SYVN1: variants seen among roughly 807,000 people sequenced by gnomAD.
SYVN1 encodes synoviolin 1.
In SYVN1, 17 loss-of-function variants were observed where a neutral mutation model predicts 62.6. That is an observed-to-expected ratio of 0.27 (90% confidence interval 0.19 to 0.41). The LOEUF (loss-of-function observed/expected upper bound fraction) is 0.41. Among genes scored for constraint, SYVN1 ranks in the 10% least tolerant of loss-of-function variants. The pLI is 1.00. For synonymous variants in SYVN1, 316 were observed against 304.0 expected (o/e 1.04, Z -0.41); for missense variants, 634 against 818.0 (o/e 0.78, Z 2.74).
chr11:65,132,633 A>G (rs114340641), intron 5 of SYVN1, 99 bp downstream of exon 5: 1 of 1,368,756 alleles, frequency 7.3e-7, no homozygotes, highest in Non-Finnish European at 1.0e-6. Flanking sequence ...TTCCTAAATT[A>G]TCTTTCCTGT....
rs1480887737 is a variant in SYVN1, at chr11:65,130,069, C to T, written c.1341G>A (p.Glu447=). 1 of 1,608,560 alleles carries T rather than the reference C, an allele frequency of 6.2e-7. No homozygotes were observed. Among genetic ancestry groups the T allele is most frequent in the East Asian group, 2.2e-5 (1 of 44,668 alleles). The change falls in exon 13 of 16, where the codon GAG becomes GAA. Residue 447 remains glutamate, a synonymous_variant. Transcript: ENST00000377190. ...ASGPGSGSAP[E]AGPAPGFPFP... ...AGGGGAAACCAGGGGCAGGGCCAGCCTCTGGGGCAGAGCCAGAGCCTGGGC... is the reference window on the plus strand; with the variant it reads ...AGGGGAAACCAGGGGCAGGGCCAGCTTCTGGGGCAGAGCCAGAGCCTGGGC...
At position 65,128,684 on chromosome 11, in the gene SYVN1, G is replaced by C; in HGVS notation, c.1626C>G (p.Ser542=). 1 of 1,613,306 alleles carries C rather than the reference G, an allele frequency of 6.2e-7. No homozygotes were observed. Among genetic ancestry groups the C allele is most frequent in the African/African-American group, 1.3e-5 (1 of 75,044 alleles). The part of the protein sequence containing the change: ...GPPRPATSVN[S]TEETATTVVA... ...CAACTGTAGTGGCAGTCTCCTCAGT[G>C]GAGTTGACTGAAGTGGCAGGCCGGG... Residue 542 remains serine, a synonymous_variant, in exon 15 of 16, where the codon TCC becomes TCG. Transcript: ENST00000377190.
intron 6 of SYVN1, 111 bp from the exon 7 acceptor site, chr11:65,131,707 C>T (rs1451499070): frequency 1.5e-6 from 2 of 1,338,016 alleles, no homozygotes; most frequent in African/African-American, 1.4e-5. Context: ...ATCACAGGCT[C>T]TAGACACACC....
intron 14 of SYVN1, 85 bp from the exon 15 acceptor site, chr11:65,128,799 A>G: frequency 7.2e-7 from 1 of 1,396,394 alleles, no homozygotes; most frequent in South Asian, 1.4e-5. Flanking sequence ...GCCTTGCAGA[A>G]CAGAGTATAG....
At chr11:65,131,932 T>C (rs190485628) in intron 6 of SYVN1, among the ~76,000 whole-genome samples, 88 of 152,316 alleles carry the variant, frequency 5.8e-4, no homozygotes, top group African/African-American at 1.9e-3. Context: ...ATTCTCTCTC[T>C]GCCAGGGACA....
intron 11 of SYVN1, 93 bp downstream of exon 11, chr11:65,130,567 G>A (rs1948164369): frequency 2.8e-6 from 4 of 1,454,114 alleles, no homozygotes; most frequent in Non-Finnish European, 3.6e-6. Flanking sequence ...GATTCTGGAG[G>A]GCAGGGACTC....
At chr11:65,129,568 G>C in intron 14 of SYVN1, 161 bp downstream of exon 14, 1 of 609,536 alleles carries the variant, frequency 1.6e-6, no homozygotes. Context: ...GGGAAATAAA[G>C]GCACCAGGAG....
intron 12 of SYVN1, 21 bp from the exon 13 acceptor site, chr11:65,130,196 C>G (rs778667123): frequency 5.0e-6 from 8 of 1,607,414 alleles, no homozygotes; most frequent in Middle Eastern, 3.3e-4. Context: ...GGAACGAAGT[C>G]AGTGAGTGTT....
chr11:65,132,271 C>T lies in SYVN1; in HGVS notation c.508G>A (p.Val170Met). The T allele has an allele frequency of 1.9e-6, 3 of 1,614,100 alleles. No individual in the cohort carries two copies. Among genetic ancestry groups the T allele is most frequent in the Non-Finnish European group, 1.7e-6 (2 of 1,179,954 alleles). Residue 170 changes from valine (V) to methionine (M), a missense_variant, in exon 6 of 16, where the codon GTG becomes ATG. By Grantham distance (21) the Val-to-Met change is conservative. Coordinates refer to ENST00000377190, the MANE Select transcript of SYVN1 (RefSeq NM_172230.3). ...ACCTCAAAGCCAAACACCAGCTGCA[C>T]AGAGGCCCCACGGGTCAGGATGCTG... The part of the protein sequence containing the change: ...YHSILTRGAS[V>M]QLVFGFEYAI...
Position 65,133,216 on chromosome 11 carries a change from G to T in SYVN1, c.169C>A (p.Leu57Met), listed in dbSNP as rs1948203366. Residue 57 changes from leucine to methionine, a missense_variant, in exon 3 of 16, where the codon CTG becomes ATG. Leu to Met is a conservative substitution (Grantham distance 15). Around this residue, in one of 2 missense-constraint regions of SYVN1, gnomAD observed 283 missense variants for 444.7 expected, o/e 0.64. Transcript: ENST00000377190. ...AACACCTTGCCCATCACCTTGCCCA[G>T]AAGGAAGACAAGGACAAAGGCCTGG... ...YIQAFVLVFL[L>M]GKVMGKVFFG... 6.2e-7 allele frequency: 1 copy of T among 1,614,102 alleles called. No homozygotes were observed. Among genetic ancestry groups the T allele is most frequent in the South Asian group, 1.1e-5 (1 of 91,088 alleles).
intron 2 of SYVN1, 48 bp downstream of exon 2, chr11:65,133,422 C>A: frequency 1.2e-6 from 2 of 1,605,174 alleles, no homozygotes; most frequent in African/African-American, 1.3e-5. Context: ...CAGGCAGACT[C>A]CTCCTTCCCT....
intron 6 of SYVN1, 118 bp from the exon 7 acceptor site, chr11:65,131,714 C>T (rs918838665): frequency 3.2e-6 from 4 of 1,262,434 alleles, no homozygotes; most frequent in South Asian, 2.9e-5. Context: ...GCTCTAGACA[C>T]ACCCAGGGTC....
rs1948156577 is a variant in SYVN1, at chr11:65,130,078, A to G, written c.1332T>C (p.Ser444=). 6.2e-7 allele frequency: 1 copy of G among 1,609,546 alleles called. No homozygotes were observed. ...CAGGGGCAGGGCCAGCCTCTGGGGC[A>G]GAGCCAGAGCCTGGGCCAGATGCTG... is the stretch of plus-strand genomic sequence containing the variant. ...SATASGPGSG[S]APEAGPAPGF... Residue 444 remains serine, a synonymous_variant, in exon 13 of 16, where the codon TCT becomes TCC. Coordinates refer to ENST00000377190, the MANE Select transcript of SYVN1 (RefSeq NM_172230.3).
chr11:65,133,706 G>GT (rs1948210777), intron 1 of SYVN1, 88 bp from the exon 2 acceptor site: 5 of 1,057,748 alleles, frequency 4.7e-6, no homozygotes, highest in Non-Finnish European at 6.8e-6. Context: ...ATAGGAGAAA[G>GT]TGGGGGGGAA....
At position 65,134,465 on chromosome 11, in the gene SYVN1, AGCGCCGCGAGCCCGCTCAATCC is replaced by A. The variant is rs1948221718; in HGVS notation, c.-49_-28del. ...ACTTCGCCCCACTCACCAGGAACCC[AGCGCCGCGAGCCCGCTCAATCC>A]GCGCGACTGCGGCTGCCCCTCCGGT... is the stretch of plus-strand genomic sequence containing the variant. On this transcript the variant is annotated 5_prime_UTR_variant, in exon 1 of 16. Transcript: ENST00000377190. 1 of 152,748 alleles carries A rather than the reference AGCGCCGCGAGCCCGCTCAATCC, an allele frequency of 6.5e-6. No homozygotes were observed. The highest frequency in any genetic ancestry group is 1.5e-5 in the Non-Finnish European group (1 of 68,126). 9.5% of individuals were successfully genotyped at this position (152,748 alleles called of 1,614,324 possible). A position where few individuals can be genotyped will look rare whatever the true frequency, so the allele number is the denominator to read the frequency against.
In SYVN1 at chr11:65,129,885, C is replaced by A; in HGVS notation, c.1439G>T (p.Gly480Val). 1 of 1,614,022 alleles carries A rather than the reference C, an allele frequency of 6.2e-7. No homozygotes were observed. Among genetic ancestry groups the A allele is most frequent in the Non-Finnish European group, 8.5e-7 (1 of 1,180,010 alleles). ...CTCCTCTGGGGTCAGCCCAGCAAAG[C>A]CCGCAGGGGGCACAGGCATTGGGGG... ...AFPPMPVPPA[G>V]FAGLTPEELR... The change falls in exon 14 of 16, where the codon GGC becomes GTC. Residue 480 changes from glycine to valine, a missense_variant. By Grantham distance (109) the Gly-to-Val change is moderately radical (BLOSUM62 -3). Around this residue, in one of 2 missense-constraint regions of SYVN1, gnomAD observed 351 missense variants for 373.3 expected, o/e 0.94. Coordinates refer to ENST00000377190, the MANE Select transcript of SYVN1 (RefSeq NM_172230.3).
At position 65,128,652 on chromosome 11, in the gene SYVN1, G is replaced by T. The variant is rs1034256152; in HGVS notation, c.1658C>A (p.Ala553Asp). ...TEETATTVVAAASSTSIPSSE... is the reference protein window; with the variant it reads ...TEETATTVVADASSTSIPSSE... ...GCTAGGGATGCTGGTGGAGGAGGCA[G>T]CAGCAACAACTGTAGTGGCAGTCTC... is the stretch of plus-strand genomic sequence containing the variant. Residue 553 changes from alanine to aspartate, a missense_variant, in exon 15 of 16, where the codon GCT (alanine) becomes GAT (aspartate). By Grantham distance (126) the Ala-to-Asp change is moderately radical. Coordinates refer to ENST00000377190, the MANE Select transcript of SYVN1 (RefSeq NM_172230.3). 2 of 1,613,892 alleles carry T rather than the reference G, an allele frequency of 1.2e-6. No individual in the cohort carries two copies. Among genetic ancestry groups the T allele is most frequent in the Non-Finnish European group, 8.5e-7 (1 of 1,179,908 alleles).
intron 1 of SYVN1, among the ~76,000 whole-genome samples, chr11:65,134,074 CT>C (rs1226164949): frequency 6.6e-6 from 1 of 152,258 alleles, no homozygotes; most frequent in Non-Finnish European, 1.5e-5. Flanking sequence ...CCGGTGACAG[CT>C]GTGTTAGGGT....
rs1391095794 is a variant in SYVN1, at chr11:65,133,234, AG to A, written c.150del (p.Phe51LeufsTer10). 6.2e-7 allele frequency: 1 copy of A among 1,614,106 alleles called. No homozygotes were observed. Among genetic ancestry groups the A allele is most frequent in the Non-Finnish European group, 8.5e-7 (1 of 1,180,052 alleles). The part of the protein sequence containing the change: ...SPSMAVLYIQ[A>X]FVLVFLLGKV... ...TTGCCCAGAAGGAAGACAAGGACAA[AG>A]GCCTGGATGTACAGGACCTAGGAGT... is the stretch of plus-strand genomic sequence containing the variant. On this transcript the variant is annotated frameshift_variant, in exon 3 of 16. Transcript: ENST00000377190. LOFTEE classifies it high-confidence loss of function.
Sources: gnomAD v4.1 joint callset for allele counts (sites outside exome capture counted in the v4.1 genomes callset) on GRCh38, gnomAD v4.1.1 for gene constraint, gnomAD v4.1.1 regional missense constraint, MANE v1.5 for transcripts, NCBI Gene and HGNC (gene_info 2026-07-23, HGNC 2026-07-21) for gene names.